The following VPS26A variants were observed in gnomAD, a reference collection of about 807,000 sequenced individuals.
The protein encoded by VPS26A is VPS26 retromer complex component A.
Under a neutral mutation model 42.4 loss-of-function variants are expected in VPS26A, and 22 were observed. The observed-to-expected ratio is 0.52, with a 90% confidence interval of 0.37 to 0.74. The LOEUF (loss-of-function observed/expected upper bound fraction) is 0.74. Among genes scored for constraint, VPS26A ranks in the 30% least tolerant of loss-of-function variants. VPS26A has a pLI of 0.00. For synonymous variants in VPS26A, 110 were observed against 123.5 expected (o/e 0.89, Z 0.73); for missense variants, 276 against 379.2 (o/e 0.73, Z 2.26).
intron 6 of VPS26A, 109 bp from the exon 7 acceptor site, chr10:69,165,933 G>C: frequency 9.3e-7 from 1 of 1,071,242 alleles, no homozygotes; most frequent in Non-Finnish European, 1.4e-6. Context: ...GTGATGGAGC[G>C]AGACACCGTC....
At chr10:69,163,009 A>C (rs1841594817) in intron 6 of VPS26A, among the ~76,000 whole-genome samples, 1 of 152,218 alleles carries the variant, frequency 6.6e-6, no homozygotes, top group African/African-American at 2.4e-5. Flanking sequence ...TGTATAAGAC[A>C]CACCCCTTTT....
At chr10:69,170,126 T>C (rs1481079800) in intron 8 of VPS26A, 1 of 152,210 alleles carries the variant, frequency 6.6e-6, no homozygotes, top group Non-Finnish European at 1.5e-5. Flanking sequence ...ATACAAAAAC[T>C]ACCTTTTATA....
intron 6 of VPS26A, among the ~76,000 whole-genome samples, 173 bp downstream of exon 6, chr10:69,162,685 G>C (rs1471311636): frequency 6.6e-6 from 1 of 151,852 alleles, no homozygotes; most frequent in African/African-American, 2.4e-5. Context: ...TGATTGTCCA[G>C]AATTTATTTT....
rs551866897 is a variant in VPS26A at position 69,155,661 on chromosome 10, T to C, written c.154-151T>C. ...CTAAATTACACCTTCTCTGGTGCTA[T>C]AACATCATCCTGATTTAGGTATGTG... On this transcript the variant is annotated intron_variant, in intron 2 of 8. Coordinates refer to ENST00000263559, the MANE Select transcript of VPS26A (RefSeq NM_004896.5). 77 of 661,296 alleles carry C rather than the reference T, an allele frequency of 1.2e-4. 1 individual carries two copies. In the South Asian group the frequency reaches 1.2e-3, roughly 10 times the overall value. The allele number at this position is 661,296 out of a possible 1,614,324, so 41.0% of individuals were successfully genotyped here.
chr10:69,142,621 C>T (rs912541636), intron 2 of VPS26A, among the ~76,000 whole-genome samples: 2 of 151,380 alleles, frequency 1.3e-5, no homozygotes, highest in African/African-American at 4.9e-5. Context: ...GCTTTTAAAG[C>T]TAAGAAAGAC....
At chr10:69,134,843 A>G (rs1038996042) in intron 2 of VPS26A, among the ~76,000 whole-genome samples, 4 of 152,104 alleles carry the variant, frequency 2.6e-5, no homozygotes, top group Non-Finnish European at 5.9e-5. Flanking sequence ...CTTTAATCCC[A>G]TCACTTTAGG....
intron 2 of VPS26A, among the ~76,000 whole-genome samples, chr10:69,146,476 A>C: frequency 6.6e-6 from 1 of 152,200 alleles, no homozygotes. Flanking sequence ...AATTCAGTGG[A>C]ATTAATTCCA....
intron 5 of VPS26A, 75 bp downstream of exon 5, chr10:69,158,286 A>G (rs1018726153): frequency 8.1e-7 from 1 of 1,227,780 alleles, no homozygotes; most frequent in Admixed American, 2.9e-5. Context: ...CAGTTGGTCA[A>G]AGTAAGGATA....
chr10:69,136,470 C>T (rs1840913342), intron 2 of VPS26A, among the ~76,000 whole-genome samples: 3 of 151,790 alleles, frequency 2.0e-5, no homozygotes, highest in Middle Eastern at 3.2e-3. Context: ...GGGATTTCAC[C>T]ATGTTGGGTC....
At position 69,172,162 on chromosome 10, in the gene VPS26A, T is replaced by C. The variant is rs1841829084; in HGVS notation, c.*893T>C. ...TATTTTCTTCATACATTCATTTTCT[T>C]TTCAGGGGAAAATTTTGGGATGGGG... On this transcript the variant is annotated 3_prime_UTR_variant, in exon 9 of 9. Transcript: ENST00000263559. 1 of 152,216 alleles carries C rather than the reference T, an allele frequency of 6.6e-6. No homozygotes were observed. The highest frequency in any genetic ancestry group is 2.4e-5 in the African/African-American group (1 of 41,448). The allele number at this position is 152,216 out of a possible 1,614,324, so 9.4% of individuals were successfully genotyped here. A position where few individuals can be genotyped will look rare whatever the true frequency, so the allele number is the denominator to read the frequency against.
At chr10:69,148,031 T>C (rs1182821655) in intron 2 of VPS26A, among the ~76,000 whole-genome samples, 2 of 152,162 alleles carry the variant, frequency 1.3e-5, no homozygotes, top group Non-Finnish European at 2.9e-5. Flanking sequence ...TGTTTTCATA[T>C]GAAAACTTTG....
chr10:69,158,197 A>G lies in VPS26A; in HGVS notation c.537A>G (p.Glu179=). 1 of 1,592,714 alleles carries G rather than the reference A, an allele frequency of 6.3e-7. No individual in the cohort carries two copies. Among genetic ancestry groups the G allele is most frequent in the Non-Finnish European group, 8.5e-7 (1 of 1,172,564 alleles). ...GIEDCLHIEF[E]YNKSKYHLKD... ...AAGATTGTCTACATATAGAATTTGAATATAATAAATCAAAGTAAGTATCAT... is the reference window on the plus strand; with the variant it reads ...AAGATTGTCTACATATAGAATTTGAGTATAATAAATCAAAGTAAGTATCAT... The change falls in exon 5 of 9, where the codon GAA becomes GAG. Residue 179 remains glutamate (E), a synonymous_variant. Transcript: ENST00000263559.
chr10:69,148,883 G>A (rs1237713989), intron 2 of VPS26A, among the ~76,000 whole-genome samples: 3 of 151,548 alleles, frequency 2.0e-5, no homozygotes, highest in Non-Finnish European at 2.9e-5. Flanking sequence ...AGCCTCCCGA[G>A]TAGCTGGGAC....
intron 7 of VPS26A, among the ~76,000 whole-genome samples, chr10:69,167,301 T>G (rs1841710402): frequency 6.6e-6 from 1 of 151,300 alleles, no homozygotes; most frequent in Non-Finnish European, 1.5e-5. Context: ...CATGGTGGCA[T>G]GCACCTATGA....
intron 6 of VPS26A, 138 bp from the exon 7 acceptor site, chr10:69,165,904 C>A: frequency 5.1e-6 from 4 of 777,590 alleles, no homozygotes; most frequent in Non-Finnish European, 8.2e-6. Context: ...CATGATTGGA[C>A]CACTGCACTC....
rs1310337301 is a variant in VPS26A, at chr10:69,132,996, C to T, written c.102C>T (p.Gly34=). The change falls in exon 2 of 9, where the codon GGC becomes GGT. Residue 34 remains glycine (G), a synonymous_variant. Coordinates refer to ENST00000263559, the MANE Select transcript of VPS26A (RefSeq NM_004896.5). The part of the protein sequence containing the change: ...RKMAEMKTED[G]KVEKHYLFYD... ...TGGCAGAAATGAAAACTGAAGATGG[C>T]AAAGTAGAAAAACACTATCTCTTCT... 1.2e-6 allele frequency: 2 copies of T among 1,612,594 alleles called. No individual in the cohort carries two copies. Among genetic ancestry groups the T allele is most frequent in the Non-Finnish European group, 1.7e-6 (2 of 1,179,656 alleles).
Position 69,124,402 on chromosome 10 carries a change from G to T in VPS26A, c.3+122G>T, listed in dbSNP as rs1840601791. The stretch of plus-strand genomic sequence containing the variant: ...ACGGGGGAGCAGGGCGGGGAGCGGG[G>T]TTAGGCCTGTCGGGCCACCCCTGGG... On this transcript the variant is annotated intron_variant, in intron 1 of 8. Coordinates refer to ENST00000263559, the MANE Select transcript of VPS26A (RefSeq NM_004896.5). 6 of 1,114,800 alleles carry T rather than the reference G, an allele frequency of 5.4e-6. No individual in the cohort carries two copies. The South Asian group carries it at 1.4e-4, about 25-fold the overall frequency. 69.1% of individuals were successfully genotyped at this position (1,114,800 alleles called of 1,614,324 possible). A position where few individuals can be genotyped will look rare whatever the true frequency, so the allele number is the denominator to read the frequency against.
At chr10:69,170,880 AG>A (rs1841798918) in intron 8 of VPS26A, among the ~76,000 whole-genome samples, 1 of 152,196 alleles carries the variant, frequency 6.6e-6, no homozygotes, top group South Asian at 2.1e-4. Flanking sequence ...GAACAATTAA[AG>A]GATGGATTTG....
intron 2 of VPS26A, among the ~76,000 whole-genome samples, chr10:69,149,727 G>GTTTTTTTTTTTTTT (rs151136046): frequency 8.5e-5 from 8 of 93,952 alleles, no homozygotes; most frequent in South Asian, 3.4e-4. Context: ...CTTTCTTGGT[G>GTTTTTTTTTTTTTT]TTTTTTGTTT....
Sources: allele counts gnomAD v4.1 joint callset (sites outside exome capture counted in the v4.1 genomes callset), GRCh38; gene constraint gnomAD v4.1.1; transcripts MANE v1.5; gene names NCBI Gene and HGNC (gene_info 2026-07-23, HGNC 2026-07-21).